RTN1: variants seen among roughly 807,000 people sequenced by gnomAD.
RTN1 encodes reticulon 1.
Under a neutral mutation model 65.5 loss-of-function variants are expected in RTN1, and 25 were observed. That is an observed-to-expected ratio of 0.38 (90% CI 0.28 to 0.53). The LOEUF is 0.53. Ranked by LOEUF, RTN1 falls within the 20% of genes least tolerant of loss-of-function variation. RTN1 has a pLI of 0.79. For missense variants in RTN1, 983 were observed against 1,025.4 expected (o/e 0.96, Z 0.57); for synonymous variants, 471 against 447.6 (o/e 1.05, Z -0.66).
chr14:59,725,704 C>G (rs1884742965), intron 3 of RTN1, among the ~76,000 whole-genome samples: 1 of 152,178 alleles, frequency 6.6e-6, no homozygotes, highest in Non-Finnish European at 1.5e-5. Context: ...AACTATGTAT[C>G]TTTTTATTTC....
chr14:59,670,076 G>T (rs1448937853), intron 3 of RTN1, among the ~76,000 whole-genome samples: 2 of 152,156 alleles, frequency 1.3e-5, no homozygotes, highest in African/African-American at 2.4e-5. Context: ...TGCAAAAATT[G>T]CCCAGTACAT....
In RTN1 at chr14:59,643,513, T is replaced by C. The variant is rs376305781; in HGVS notation, c.1766-36021A>G. On this transcript the variant is annotated intron_variant, in intron 3 of 8. Transcript: ENST00000267484. ...GATTACAGGCGTGGGCCACCACACC[T>C]GGCCTCCTGAACTTTTAATGCATGC... Among the ~76,000 whole-genome samples the C allele has an allele frequency of 4.8e-4, 73 of 152,342 alleles. No homozygotes were observed. The South Asian group carries it at 7.0e-3, about 15-fold the overall frequency.
At position 59,658,185 on chromosome 14, in the gene RTN1, G is replaced by A. The variant is rs117712652; in HGVS notation, c.1766-50693C>T. On this transcript the variant is annotated intron_variant, in intron 3 of 8. Transcript: ENST00000267484. The stretch of plus-strand genomic sequence containing the variant: ...GCAGCTTAGCAAAGCCACTGTAGAC[G>A]GACTGCCTCTCTAGATTACTCCTCT... Among the ~76,000 whole-genome samples the A allele has an allele frequency of 9.4e-3, 1,431 of 152,308 alleles. 17 individuals carry two copies. The highest frequency in any genetic ancestry group is 0.029 in the East Asian group (149 of 5,172).
At chr14:59,623,780 G>A (rs182082058) in intron 3 of RTN1, among the ~76,000 whole-genome samples, 2 of 152,200 alleles carry the variant, frequency 1.3e-5, no homozygotes, top group East Asian at 1.9e-4. Context: ...AAATGAATAC[G>A]TTTAAAATTT....
intron 1 of RTN1, among the ~76,000 whole-genome samples, chr14:59,768,716 T>C (rs747682148): frequency 6.7e-6 from 1 of 149,628 alleles, no homozygotes; most frequent in Non-Finnish European, 1.5e-5. Flanking sequence ...ACTCCATGTG[T>C]CTCGCTGTTA....
intron 2 of RTN1, among the ~76,000 whole-genome samples, chr14:59,735,107 C>T (rs960281210): frequency 5.9e-5 from 9 of 152,092 alleles, no homozygotes; most frequent in African/African-American, 2.2e-4. Context: ...AAAAGAATTT[C>T]CAACCCAGAA....
In RTN1 at chr14:59,664,066, C is replaced by T. The variant is rs143041328; in HGVS notation, c.1766-56574G>A. Among the ~76,000 whole-genome samples the T allele has an allele frequency of 2.5e-3, 373 of 152,176 alleles. 1 individual carries two copies. The highest frequency in any genetic ancestry group is 3.4e-3 in the Middle Eastern group (1 of 294). On this transcript the variant is annotated intron_variant, in intron 3 of 8. Coordinates refer to ENST00000267484, the MANE Select transcript of RTN1 (RefSeq NM_021136.3). ...ACAATAGCAAAGACTTGGAACCAAC[C>T]GAAATGCCCAGCAATGATACGCTGG...
At chr14:59,845,015 T>G (rs908291973) in intron 1 of RTN1, among the ~76,000 whole-genome samples, 8 of 152,228 alleles carry the variant, frequency 5.3e-5, no homozygotes, top group African/African-American at 1.9e-4. Flanking sequence ...TTAATGTTTC[T>G]CCATATCATA....
Position 59,603,241 on chromosome 14 carries a change from T to C in RTN1, c.2200A>G (p.Thr734Ala), listed in dbSNP as rs1247152601. Reference protein sequence around the residue: ...LLLMAVVSMFTLPVVYVKHQA... With the variant: ...LLLMAVVSMFALPVVYVKHQA... ...TGCTTAACATACACTACAGGTAGAG[T>C]AAACATTGAAACCACAGCTGGGATG... Residue 734 changes from threonine to alanine, a missense_variant, in exon 7 of 9, where the codon ACT (threonine) becomes GCT (alanine). This residue lies in a region of RTN1 where 165 missense variants were observed against 223.6 expected (regional missense o/e 0.74). Coordinates refer to ENST00000267484, the MANE Select transcript of RTN1 (RefSeq NM_021136.3). The C allele has an allele frequency of 6.2e-7, 1 of 1,612,388 alleles. No homozygotes were observed. The highest frequency in any genetic ancestry group is 1.3e-5 in the African/African-American group (1 of 74,838).
chr14:59,717,736 T>G (rs1884566719), intron 3 of RTN1, among the ~76,000 whole-genome samples: 1 of 152,180 alleles, frequency 6.6e-6, no homozygotes, highest in South Asian at 2.1e-4. Context: ...TACATTTCAC[T>G]TTAAATTCTA....
intron 1 of RTN1, among the ~76,000 whole-genome samples, chr14:59,856,210 C>A (rs1273127998): frequency 1.3e-5 from 2 of 152,028 alleles, no homozygotes; most frequent in Non-Finnish European, 2.9e-5. Context: ...ATGCAATGTC[C>A]AGGATTTTTA....
At chr14:59,717,026 A>G (rs1884551117) in intron 3 of RTN1, among the ~76,000 whole-genome samples, 2 of 151,904 alleles carry the variant, frequency 1.3e-5, no homozygotes, top group African/African-American at 2.4e-5. Context: ...GAATATTTTC[A>G]TGGCAACCAC....
intron 1 of RTN1, among the ~76,000 whole-genome samples, chr14:59,779,758 C>T (rs1886119208): frequency 6.6e-6 from 1 of 152,100 alleles, no homozygotes; most frequent in African/African-American, 2.4e-5. Context: ...TTCCCTGGTC[C>T]TGGCCCAGCT....
chr14:59,630,568 T>C, intron 3 of RTN1: 3 of 1,606,232 alleles, frequency 1.9e-6, no homozygotes, highest in Non-Finnish European at 8.5e-7. Context: ...CACTCAAGCG[T>C]TGGTGCCCGG....
intron 3 of RTN1, among the ~76,000 whole-genome samples, chr14:59,635,811 T>C (rs1166136763): frequency 6.6e-6 from 1 of 152,238 alleles, no homozygotes; most frequent in African/African-American, 2.4e-5. Context: ...ACATCGTTGA[T>C]AGGTTCTTGG....
intron 1 of RTN1, among the ~76,000 whole-genome samples, chr14:59,808,682 T>G (rs1886678112): frequency 6.6e-6 from 1 of 152,188 alleles, no homozygotes; most frequent in East Asian, 1.9e-4. Flanking sequence ...GCAGTGGGGC[T>G]TGGTGGGAGG....
intron 1 of RTN1, among the ~76,000 whole-genome samples, chr14:59,780,097 G>A (rs918261931): frequency 1.3e-5 from 2 of 152,178 alleles, no homozygotes; most frequent in African/African-American, 4.8e-5. Flanking sequence ...CTGAGTAAGT[G>A]CTGAGGATAA....
In RTN1 at chr14:59,745,964, A is replaced by G. The variant is rs746227781; in HGVS notation, c.759T>C (p.His253=). 1.2e-6 allele frequency: 2 copies of G among 1,614,084 alleles called. No homozygotes were observed. The highest frequency in any genetic ancestry group is 1.3e-5 in the African/African-American group (1 of 75,000). The change falls in exon 2 of 9, where the codon CAT becomes CAC. Residue 253 remains histidine (H), a synonymous_variant. Transcript: ENST00000267484. ...GAGCAAATGTGGATTCTTCCAATAAATGGTCCTTGATGATTTTTCCCTCCA... is the reference window on the plus strand; with the variant it reads ...GAGCAAATGTGGATTCTTCCAATAAGTGGTCCTTGATGATTTTTCCCTCCA... ...APVEGKIIKD[H]LLEESTFAPY...
intron 3 of RTN1, among the ~76,000 whole-genome samples, chr14:59,697,972 C>CTTTT (rs1884099250): frequency 1.3e-5 from 2 of 152,094 alleles, no homozygotes; most frequent in Non-Finnish European, 2.9e-5. Flanking sequence ...GATAAATGGA[C>CTTTT]TTAAAAGCAC....
Sources: gnomAD v4.1 joint callset for allele counts (sites outside exome capture counted in the v4.1 genomes callset) on GRCh38, gnomAD v4.1.1 for gene constraint, gnomAD v4.1.1 regional missense constraint, MANE v1.5 for transcripts, NCBI Gene and HGNC (gene_info 2026-07-23, HGNC 2026-07-21) for gene names.